The following SCAMP4 variants were observed in gnomAD, a reference collection of about 807,000 sequenced individuals.
SCAMP4 encodes secretory carrier-associated membrane protein 4.
Under a neutral mutation model 32.1 loss-of-function variants are expected in SCAMP4, and 19 were observed. That is an observed-to-expected ratio of 0.59 (90% CI 0.41 to 0.87). The LOEUF (loss-of-function observed/expected upper bound fraction) is 0.87, where lower values mean the gene tolerates loss of function less well. SCAMP4 is among the 40% of genes least tolerant of loss of function. The pLI, the probability that SCAMP4 is intolerant of heterozygous loss-of-function variation, is 0.00. For synonymous variants in SCAMP4, 152 were observed against 132.7 expected (o/e 1.15, Z -1.00); for missense variants, 302 against 309.0 (o/e 0.98, Z 0.17).
chr19:1,923,163 C>T lies in SCAMP4; in HGVS notation c.489C>T (p.Ala163=), dbSNP rs1327146458. The T allele has an allele frequency of 8.4e-6, 13 of 1,550,812 alleles. No homozygotes were observed. Among genetic ancestry groups the T allele is most frequent in the Non-Finnish European group, 9.6e-6 (11 of 1,146,502 alleles). Residue 163 remains alanine, a synonymous_variant, in exon 6 of 7, where the codon GCC becomes GCT. Coordinates refer to ENST00000316097, the MANE Select transcript of SCAMP4 (RefSeq NM_079834.4). ...CCATCATGTTCTCCGTGTCGGCTGC[C>T]ATGATGGCCATCGCGATCATGAAGG... ...LPAIMFSVSA[A]MMAIAIMKVH... is the part of the protein sequence containing the mutation.
intron 5 of SCAMP4, chr19:1,922,821 T>C: frequency 8.3e-7 from 1 of 1,198,108 alleles, no homozygotes; most frequent in Non-Finnish European, 1.0e-6. Context: ...TGTTCACGCG[T>C]CGAAGTTTGT....
At chr19:1,912,328 T>TGCGGCCCAGCCGCGATGCCG in intron 1 of SCAMP4, 1 of 1,538,268 alleles carries the variant, frequency 6.5e-7, no homozygotes, top group Non-Finnish European at 8.7e-7. Context: ...CTCAAGCGGG[T>TGCGGCCCAGCCGCGATGCCG]GCGGCCCAGC....
Position 1,917,397 on chromosome 19 carries a change from C to T in SCAMP4, c.8-297C>T, listed in dbSNP as rs534088599. 2.0e-5 allele frequency among the ~76,000 whole-genome samples: 3 copies of T among 152,328 alleles called. No individual in the cohort carries two copies. In the East Asian group the frequency reaches 5.8e-4, roughly 29 times the overall value. ...AGAAACGCTAACATCAAGCTGTAGG[C>T]CGGTTCCCGCCTTGCCCAGCGTCTA... On this transcript the variant is annotated intron_variant, in intron 2 of 6. Coordinates refer to ENST00000316097, the MANE Select transcript of SCAMP4 (RefSeq NM_079834.4).
In SCAMP4 at chr19:1,924,407, T is replaced by C. The variant is rs1014713523; in HGVS notation, c.*123T>C. ...CCCCAGCTGGGATGGTGGAAGCCGG[T>C]GGTGGCCACGGACCGCCCCCCTCCT... On this transcript the variant is annotated 3_prime_UTR_variant, in exon 7 of 7. Coordinates refer to ENST00000316097, the MANE Select transcript of SCAMP4 (RefSeq NM_079834.4). 16 of 847,894 alleles carry C rather than the reference T, an allele frequency of 1.9e-5. No homozygotes were observed. In the East Asian group the frequency reaches 2.1e-4, roughly 11 times the overall value. 52.5% of individuals were successfully genotyped at this position (847,894 alleles called of 1,614,324 possible).
rs564235132 is a variant in SCAMP4, at chr19:1,908,844, C to T, written c.-42+3405C>T. On this transcript the variant is annotated intron_variant, in intron 1 of 6. Coordinates refer to ENST00000316097, the MANE Select transcript of SCAMP4 (RefSeq NM_079834.4). This position sits in a 1 kb window ranked among gnomAD's most constrained non-coding sequence, Gnocchi z 4.2. ...GTGGGCTGGGCACGGTGGCTCACACCTGTAATCCCAGCACTTTGGGAGGCT... is the reference window on the plus strand; with the variant it reads ...GTGGGCTGGGCACGGTGGCTCACACTTGTAATCCCAGCACTTTGGGAGGCT... Among the ~76,000 whole-genome samples the T allele has an allele frequency of 6.6e-6, 1 of 152,144 alleles. No individual in the cohort carries two copies. The highest frequency in any genetic ancestry group is 1.9e-4 in the East Asian group (1 of 5,176).
At chr19:1,911,165 G>C (rs76060398) in intron 1 of SCAMP4, among the ~76,000 whole-genome samples, 2 of 151,920 alleles carry the variant, frequency 1.3e-5, no homozygotes, top group East Asian at 3.9e-4. Context: ...GTGAGCCACC[G>C]TGCCCGGGTT....
At position 1,912,268 on chromosome 19, in the gene SCAMP4, G is replaced by A. The variant is rs751800354; in HGVS notation, c.-41-2711G>A. On this transcript the variant is annotated intron_variant, in intron 1 of 6. Transcript: ENST00000316097. ...GTCCTGGACAAGCGCCAGACCTCAC[G>A]CCTCCTGAAGGAGGTGTCGGCCCTG... 1.9e-6 allele frequency: 3 copies of A among 1,592,922 alleles called. No homozygotes were observed. The highest frequency in any genetic ancestry group is 2.3e-5 in the East Asian group (1 of 43,602).
chr19:1,906,377 G>A (rs772510504), intron 1 of SCAMP4: 1 of 151,962 alleles, frequency 6.6e-6, no homozygotes, highest in Non-Finnish European at 1.5e-5. Flanking sequence ...AAGAAAAAAA[G>A]ATTTTTTTTT....
At chr19:1,916,388 G>T (rs1225308126) in intron 2 of SCAMP4, among the ~76,000 whole-genome samples, 1 of 152,314 alleles carries the variant, frequency 6.6e-6, no homozygotes, top group East Asian at 1.9e-4. Context: ...AGCCTGCAGA[G>T]GGAGCGCGTT....
chr19:1,913,408 G>T (rs2013607692), intron 1 of SCAMP4: 4 of 591,092 alleles, frequency 6.8e-6, no homozygotes. Context: ...TCGCGGGCCG[G>T]GAAACTGCTC....
At chr19:1,912,940 A>G in intron 1 of SCAMP4, 2 of 1,610,334 alleles carry the variant, frequency 1.2e-6, no homozygotes, top group Non-Finnish European at 1.7e-6. Flanking sequence ...TGCACTGGCT[A>G]CGACCTGTAC....
At chr19:1,917,987 T>A (rs2013788957) in intron 3 of SCAMP4, 140 bp from the exon 4 acceptor site, 1 of 1,358,242 alleles carries the variant, frequency 7.4e-7, no homozygotes. Flanking sequence ...GGCCCCAGTG[T>A]CTTGGCTTGC....
rs1197816085 is a variant in SCAMP4, at chr19:1,924,486, G to A, written c.*202G>A. The stretch of plus-strand genomic sequence containing the variant: ...CATCCGAGAGCGGAGTTCCTCACAA[G>A]CACTCCCCAGCAGCCCTTGGCCTCT... On this transcript the variant is annotated 3_prime_UTR_variant, in exon 7 of 7. Coordinates refer to ENST00000316097, the MANE Select transcript of SCAMP4 (RefSeq NM_079834.4). 2 of 591,788 alleles carry A rather than the reference G, an allele frequency of 3.4e-6. No individual in the cohort carries two copies. The highest frequency in any genetic ancestry group is 3.7e-5 in the African/African-American group (2 of 53,698). 36.7% of individuals were successfully genotyped at this position (591,788 alleles called of 1,614,324 possible). A position where few individuals can be genotyped will look rare whatever the true frequency, so the allele number is the denominator to read the frequency against.
At chr19:1,911,813 A>G (rs1276815126) in intron 1 of SCAMP4, 6 of 425,472 alleles carry the variant, frequency 1.4e-5, no homozygotes, top group Middle Eastern at 6.1e-4. Context: ...AAAAAAAGAA[A>G]ATGATCTGTC....
intron 1 of SCAMP4, chr19:1,911,938 C>G (rs1370572503): frequency 3.0e-6 from 4 of 1,352,354 alleles, no homozygotes; most frequent in South Asian, 1.6e-5. Flanking sequence ...TGACCTGGGC[C>G]GGAGCCCTCG....
chr19:1,918,858 G>T, intron 4 of SCAMP4, 31 bp from the exon 5 acceptor site: 1 of 1,579,260 alleles, frequency 6.3e-7, no homozygotes, highest in East Asian at 2.3e-5. Flanking sequence ...CCAGGGCTGT[G>T]GTAACCGTCG....
chr19:1,922,379 C>T lies in SCAMP4; in HGVS notation c.396-691C>T, dbSNP rs531287373. On this transcript the variant is annotated intron_variant, in intron 5 of 6. Transcript: ENST00000316097. ...CCTCCCAGATAGCTGGGATTACAGG[C>T]ATGCGCCCTCATGCCTGGCTAATTT... is the stretch of plus-strand genomic sequence containing the variant. 5.7e-5 allele frequency: 38 copies of T among 670,760 alleles called. No homozygotes were observed. The African/African-American group carries it at 6.4e-4, about 11-fold the overall frequency. 41.6% of individuals were successfully genotyped at this position (670,760 alleles called of 1,614,324 possible).
chr19:1,917,491 G>T (rs574675849), intron 2 of SCAMP4, among the ~76,000 whole-genome samples: 1 of 152,000 alleles, frequency 6.6e-6, no homozygotes, highest in Non-Finnish European at 1.5e-5. Flanking sequence ...GCCTCTTCCC[G>T]TTTCTCTCTG....
chr19:1,907,983 C>T (rs1163716916), intron 1 of SCAMP4: 2 of 156,008 alleles, frequency 1.3e-5, no homozygotes, highest in Non-Finnish European at 2.8e-5. Context: ...CGGGCCCAGC[C>T]TGCAGTGTCC....
Sources: gnomAD v4.1 joint callset for allele counts (sites outside exome capture counted in the v4.1 genomes callset) on GRCh38, gnomAD v4.1.1 for gene constraint, Gnocchi (gnomAD v3.1) non-coding constraint, MANE v1.5 for transcripts, NCBI Gene and HGNC (gene_info 2026-07-23, HGNC 2026-07-21) for gene names.